The following KLF7 variants were observed in gnomAD, a reference collection of about 807,000 sequenced individuals.
The protein encoded by KLF7 is Krueppel-like factor 7.
In KLF7, 2 loss-of-function variants were observed where a neutral mutation model predicts 27.3. The ratio of observed to expected loss-of-function variants is 0.07; its 90% CI spans 0.03 to 0.23. The LOEUF is 0.23. Ranked by LOEUF, KLF7 falls within the 10% of genes least tolerant of loss-of-function variation. KLF7 has a pLI of 1.00. For synonymous variants in KLF7, 165 were observed against 162.4 expected, an observed-to-expected ratio of 1.02 and a Z score of -0.12; for missense variants, 221 against 394.1, an observed-to-expected ratio of 0.56 and a Z score of 3.72.
intron 1 of KLF7, among the ~76,000 whole-genome samples, chr2:207,134,320 C>T (rs576174502): frequency 4.8e-4 from 73 of 152,094 alleles, no homozygotes; most frequent in African/African-American, 1.7e-3. Context: ...CAGCTGCACA[C>T]GTGTACAACG....
chr2:207,153,617 A>C (rs983786177), intron 1 of KLF7, among the ~76,000 whole-genome samples: 1 of 116,960 alleles, frequency 8.5e-6, no homozygotes, highest in Non-Finnish European at 1.9e-5. Context: ...GGTATTGGCT[A>C]TTAAGAATCT....
At chr2:207,154,331 A>G (rs1046175865) in intron 1 of KLF7, among the ~76,000 whole-genome samples, 8 of 152,340 alleles carry the variant, frequency 5.3e-5, no homozygotes, top group African/African-American at 1.7e-4. Context: ...CTAGAAAAAC[A>G]TAAGATACGT....
chr2:207,127,865 T>C (rs772063562), intron 1 of KLF7, among the ~76,000 whole-genome samples: 2 of 152,092 alleles, frequency 1.3e-5, no homozygotes, highest in Non-Finnish European at 2.9e-5. Context: ...CCCTATGATG[T>C]TTGATGGGAA....
chr2:207,133,780 T>TAC (rs1437484344), intron 1 of KLF7, among the ~76,000 whole-genome samples: 1 of 152,102 alleles, frequency 6.6e-6, no homozygotes, highest in African/African-American at 2.4e-5. Context: ...AAACTCACAT[T>TAC]ACTCGCCTCT....
rs1308381514 is a variant in KLF7 at position 207,080,336 on chromosome 2, G to A, written c.*877C>T. The A allele has an allele frequency of 6.5e-6, 1 of 152,696 alleles. No individual in the cohort carries two copies. Among genetic ancestry groups the A allele is most frequent in the African/African-American group, 2.4e-5 (1 of 41,460 alleles). 9.5% of individuals were successfully genotyped at this position (152,696 alleles called of 1,614,324 possible). On this transcript the variant is annotated 3_prime_UTR_variant, in exon 4 of 4. Coordinates refer to ENST00000309446, the MANE Select transcript of KLF7 (RefSeq NM_003709.4). Reference sequence around the variant, plus strand: ...GAAAAAATCTAGCACTGGCAATAAGGTGAGGCTCAAGGGATATACTGTGAT... The same window carrying A: ...GAAAAAATCTAGCACTGGCAATAAGATGAGGCTCAAGGGATATACTGTGAT...
chr2:207,099,413 C>T (rs997799878), intron 2 of KLF7, among the ~76,000 whole-genome samples: 20 of 151,738 alleles, frequency 1.3e-4, no homozygotes, highest in Non-Finnish European at 1.8e-4. Context: ...CCCATTGGTA[C>T]GTATCACATT....
chr2:207,159,697 T>G (rs2078486742), intron 1 of KLF7, among the ~76,000 whole-genome samples: 1 of 152,158 alleles, frequency 6.6e-6, no homozygotes, highest in Non-Finnish European at 1.5e-5. Context: ...AAGAATGGTA[T>G]CCCCCTGAAA....
chr2:207,081,395 G>C, intron 3 of KLF7, 131 bp from the exon 4 acceptor site: 1 of 825,504 alleles, frequency 1.2e-6, no homozygotes, highest in Non-Finnish European at 2.0e-6. Context: ...AGGGCCATGT[G>C]TTGGGAAGGT....
upstream of KLF7, among the ~76,000 whole-genome samples, chr2:207,170,982 A>T (rs1023195358): frequency 3.3e-5 from 5 of 151,230 alleles, no homozygotes; most frequent in Non-Finnish European, 7.4e-5. Context: ...TATAATTGCC[A>T]TAGATAGTGA....
intron 3 of KLF7, among the ~76,000 whole-genome samples, chr2:207,085,205 G>A (rs1040383476): frequency 6.2e-5 from 8 of 129,016 alleles, no homozygotes; most frequent in Admixed American, 1.7e-4. Context: ...GCACACTAAC[G>A]TCACATAGGG....
chr2:207,138,050 C>T (rs146985943), intron 1 of KLF7, among the ~76,000 whole-genome samples: 2 of 152,278 alleles, frequency 1.3e-5, no homozygotes, highest in East Asian at 3.9e-4. Context: ...CCTTAGGTGG[C>T]TTGACTGATA....
At position 207,099,897 on chromosome 2, in the gene KLF7, T is replaced by C. The variant is rs145861272; in HGVS notation, c.734-11316A>G. ...GTAATCCCAGCACTTTGGGAGGCCA[T>C]AGCAGGCAGATCACCTGAGCCCAGG... is the stretch of plus-strand genomic sequence containing the variant. On this transcript the variant is annotated intron_variant, in intron 2 of 3. Transcript: ENST00000309446. Among the ~76,000 whole-genome samples the C allele has an allele frequency of 2.7e-3, 413 of 152,204 alleles. 3 individuals carry two copies. The highest frequency in any genetic ancestry group is 9.6e-3 in the African/African-American group (399 of 41,524).
chr2:207,130,119 C>A (rs57253161), intron 1 of KLF7, among the ~76,000 whole-genome samples: 7,410 of 135,294 alleles, frequency 0.055, 309 homozygotes, highest in African/African-American at 0.12. Context: ...ATTTCCCCTA[C>A]GACCCTTACC....
At chr2:207,086,201 T>C (rs1351915654) in intron 3 of KLF7, among the ~76,000 whole-genome samples, 3 of 152,184 alleles carry the variant, frequency 2.0e-5, no homozygotes, top group African/African-American at 7.2e-5. Context: ...TGCCATGTCC[T>C]GCCAAGGGCT....
chr2:207,115,624 T>C (rs370971970), intron 2 of KLF7, among the ~76,000 whole-genome samples: 2 of 152,168 alleles, frequency 1.3e-5, no homozygotes, highest in East Asian at 3.9e-4. Context: ...TAACAAATTG[T>C]TGAAAGGAAG....
At chr2:207,124,519 T>C in intron 1 of KLF7, 115 bp from the exon 2 acceptor site, 1 of 1,014,914 alleles carries the variant, frequency 9.9e-7, no homozygotes, top group South Asian at 1.7e-5. Context: ...ATGGCTTGTA[T>C]CAGAAATGCC....
At position 207,124,418 on chromosome 2, in the gene KLF7, A is replaced by G. The variant is rs1395481441; in HGVS notation, c.103-14T>C. ...TTCAAGGCATGTCTGCAAGAGGAAG[A>G]AGGAGGGAGAGAAACAGCCATCAGA... On this transcript the variant is annotated splice_polypyrimidine_tract_variant and intron_variant, in intron 1 of 3. Coordinates refer to ENST00000309446, the MANE Select transcript of KLF7 (RefSeq NM_003709.4). The G allele has an allele frequency of 6.5e-6, 10 of 1,538,402 alleles. No individual in the cohort carries two copies. The highest frequency in any genetic ancestry group is 2.3e-5 in the East Asian group (1 of 44,124).
chr2:207,139,298 G>A (rs1325911668), intron 1 of KLF7, among the ~76,000 whole-genome samples: 1 of 152,036 alleles, frequency 6.6e-6, no homozygotes, highest in Non-Finnish European at 1.5e-5. Context: ...AATGCTTATC[G>A]ATACTTATCT....
chr2:207,086,276 G>C (rs1454130034), intron 3 of KLF7, among the ~76,000 whole-genome samples: 1 of 152,150 alleles, frequency 6.6e-6, no homozygotes, highest in African/African-American at 2.4e-5. Flanking sequence ...GTCACTCCAG[G>C]CTTTCCTTTC....
Sources: allele counts gnomAD v4.1 joint callset (sites outside exome capture counted in the v4.1 genomes callset), GRCh38; gene constraint gnomAD v4.1.1; transcripts MANE v1.5; gene names NCBI Gene and HGNC (gene_info 2026-07-23, HGNC 2026-07-21).